The following DMD variants were observed in gnomAD, a reference collection of about 807,000 sequenced individuals.
DMD encodes the protein dystrophin, also known as mutant dystrophin.
A neutral mutation model predicts 330.1 loss-of-function variants in DMD; 63 were observed. The observed-to-expected ratio is 0.19, with a 90% CI of 0.16 to 0.24. The LOEUF is 0.24. Ranked by LOEUF, DMD falls within the 10% of genes least tolerant of loss-of-function variation. The pLI, the probability that DMD is intolerant of heterozygous loss-of-function variation, is 1.00. For missense variants in DMD, 3,344 were observed against 2,684.1 expected, an observed-to-expected ratio of 1.25 and a Z score of -5.43; for synonymous variants, 1,223 against 959.8, an observed-to-expected ratio of 1.27 and a Z score of -5.07.
At chrX:31,304,756 G>A (rs915920500) in intron 62 of DMD, among the ~76,000 whole-genome samples, 3 of 110,060 alleles carry the variant, frequency 2.7e-5, no homozygotes, top group African/African-American at 9.9e-5. Context: ...GAAGTCCCAG[G>A]GTTTCCTCCC....
chrX:32,333,704 G>T (rs1319512238), intron 41 of DMD, among the ~76,000 whole-genome samples: 2 of 111,056 alleles, frequency 1.8e-5, no homozygotes, highest in African/African-American at 6.5e-5. Flanking sequence ...TTGTGGGTAG[G>T]ATTTATTTAT....
At chrX:32,784,019 T>C (rs1288397082) in intron 7 of DMD, among the ~76,000 whole-genome samples, 1 of 107,484 alleles carries the variant, frequency 9.3e-6, no homozygotes, top group Non-Finnish European at 1.9e-5. Flanking sequence ...GGGGGGGAAA[T>C]ACACACCTGG....
At chrX:32,480,482 T>A (rs144617393) in intron 21 of DMD, among the ~76,000 whole-genome samples, 3 of 104,260 alleles carry the variant, frequency 2.9e-5, no homozygotes, top group African/African-American at 1.2e-4. Flanking sequence ...ACATACACAG[T>A]ATGTGTCTAC....
At chrX:32,178,960 CT>C (rs1569549016) in intron 44 of DMD, among the ~76,000 whole-genome samples, 9 of 104,250 alleles carry the variant, frequency 8.6e-5, no homozygotes, top group African/African-American at 2.5e-4. Flanking sequence ...CTCTCTCTCT[CT>C]CTCTCTCTCT....
chrX:32,613,614 G>A (rs1346514704), intron 12 of DMD, among the ~76,000 whole-genome samples: 1 of 110,017 alleles, frequency 9.1e-6, no homozygotes, highest in East Asian at 2.9e-4. Flanking sequence ...TAAATTGAAT[G>A]TAAAATTACA....
chrX:31,188,610 T>C (rs867367213), intron 67 of DMD, among the ~76,000 whole-genome samples: 7 of 112,224 alleles, frequency 6.2e-5, no homozygotes, highest in Middle Eastern at 4.6e-3. Flanking sequence ...GTTGGCTTTG[T>C]TTTGCTTTTG....
chrX:31,628,405 A>G (rs2078962080), intron 54 of DMD, among the ~76,000 whole-genome samples: 1 of 111,226 alleles, frequency 9.0e-6, no homozygotes. Context: ...GACTAGAGGA[A>G]AAGACAAAAA....
At chrX:32,740,049 T>C (rs760839397) in intron 7 of DMD, among the ~76,000 whole-genome samples, 9 of 109,473 alleles carry the variant, frequency 8.2e-5, no homozygotes, top group Non-Finnish European at 9.5e-5. Flanking sequence ...GATATGGCCA[T>C]GTGACTTACT....
intron 60 of DMD, among the ~76,000 whole-genome samples, chrX:31,367,907 C>G (rs182502263): frequency 8.9e-6 from 1 of 111,954 alleles, no homozygotes; most frequent in African/African-American, 3.2e-5. Flanking sequence ...AACAAATAAA[C>G]AGGTATTCTA....
chrX:32,484,746 A>C (rs899168247), intron 21 of DMD, among the ~76,000 whole-genome samples, 173 bp downstream of exon 21: 1 of 112,320 alleles, frequency 8.9e-6, no homozygotes, highest in Non-Finnish European at 1.9e-5. Context: ...AGGACAAAAA[A>C]ATCTACAGAC....
At chrX:32,081,526 G>A (rs1350936981) in intron 44 of DMD, among the ~76,000 whole-genome samples, 2 of 111,890 alleles carry the variant, frequency 1.8e-5, no homozygotes, top group Non-Finnish European at 3.8e-5. Context: ...GGTCCAGTGG[G>A]CATTCCCTGA....
intron 48 of DMD, among the ~76,000 whole-genome samples, chrX:31,857,378 C>A (rs2093630014): frequency 3.2e-5 from 1 of 31,259 alleles, no homozygotes; most frequent in South Asian, 2.4e-3. Context: ...GACTCCACCT[C>A]GGAAAAAAAA....
intron 52 of DMD, among the ~76,000 whole-genome samples, chrX:31,696,094 T>A (rs917045791): frequency 2.7e-5 from 3 of 111,200 alleles, no homozygotes; most frequent in Non-Finnish European, 5.7e-5. Flanking sequence ...ATTATTTGAG[T>A]TGTAATTCCA....
intron 2 of DMD, among the ~76,000 whole-genome samples, chrX:32,931,387 T>A (rs990446229): frequency 1.8e-5 from 2 of 111,691 alleles, no homozygotes; most frequent in African/African-American, 3.2e-5. Context: ...ATCATTACAT[T>A]GCATAAGTAA....
intron 44 of DMD, among the ~76,000 whole-genome samples, chrX:32,169,526 G>A (rs915522365): frequency 2.7e-5 from 3 of 111,982 alleles, no homozygotes; most frequent in Admixed American, 1.9e-4. Context: ...TCTGAGAAGT[G>A]TAAATTCATA....
intron 2 of DMD, among the ~76,000 whole-genome samples, chrX:32,973,224 T>G (rs994486238): frequency 2.7e-5 from 3 of 112,350 alleles, no homozygotes; most frequent in Non-Finnish European, 3.8e-5. Context: ...TGGTTTATTC[T>G]CGTGATTTTA....
intron 57 of DMD, among the ~76,000 whole-genome samples, chrX:31,494,827 T>TG (rs1239773388): frequency 8.9e-6 from 1 of 112,223 alleles, no homozygotes; most frequent in Non-Finnish European, 1.9e-5. Flanking sequence ...GAAATATGAC[T>TG]AGAATCTCAG....
chrX:31,679,536 G>T lies in DMD; in HGVS notation c.7711C>A (p.Arg2571=), dbSNP rs757011771. ...WDEVQEHLQN[R]RQQLNEMLKD... ...AACATTTCATTCAACTGTTGCCTCC[G>T]GTTCTGAAGGTGTTCTTGTACTTCA... Residue 2571 remains arginine (R), a synonymous_variant, in exon 53 of 79, where the codon CGG becomes AGG. Transcript: ENST00000357033. 1 of 1,209,684 alleles carries T rather than the reference G, an allele frequency of 8.3e-7. No homozygotes were observed. Among genetic ancestry groups the T allele is most frequent in the Admixed American group, 2.2e-5 (1 of 45,776 alleles).
chrX:31,621,115 G>A (rs746547599), intron 55 of DMD, among the ~76,000 whole-genome samples: 23 of 111,547 alleles, frequency 2.1e-4, no homozygotes, highest in Non-Finnish European at 3.8e-4. Context: ...CCTCACAACT[G>A]TTTGCCATCT....
Sources: allele counts gnomAD v4.1 joint callset (sites outside exome capture counted in the v4.1 genomes callset), GRCh38; gene constraint gnomAD v4.1.1; transcripts MANE v1.5; gene names NCBI Gene and HGNC (gene_info 2026-07-23, HGNC 2026-07-21).